The following HEPACAM variants were observed in gnomAD, a reference collection of about 807,000 sequenced individuals.
The protein encoded by HEPACAM is hepatocyte cell adhesion molecule.
In HEPACAM, 18 loss-of-function variants were observed where a neutral mutation model predicts 38.3. That is an observed-to-expected ratio of 0.47 (90% CI 0.33 to 0.70). The LOEUF is 0.70. HEPACAM is among the 30% of genes least tolerant of loss of function. The pLI is 0.03. For synonymous variants in HEPACAM, 216 were observed against 243.1 expected (o/e 0.89, Z 1.04); for missense variants, 466 against 563.0 (o/e 0.83, Z 1.74).
intron 1 of HEPACAM, among the ~76,000 whole-genome samples, chr11:124,926,108 A>G (rs1947204110): frequency 6.6e-6 from 1 of 152,186 alleles, no homozygotes; most frequent in South Asian, 2.1e-4. Context: ...AGGCTGAGAC[A>G]TGAGAATCGC....
At chr11:124,925,992 G>A (rs1463664212) in intron 1 of HEPACAM, among the ~76,000 whole-genome samples, 1 of 152,200 alleles carries the variant, frequency 6.6e-6, no homozygotes, top group Admixed American at 6.5e-5. Context: ...CCTGAGGTCA[G>A]GAGTTCGAGA....
Position 124,919,916 on chromosome 11 carries a change from A to T in HEPACAM, c.*1222T>A. On this transcript the variant is annotated 3_prime_UTR_variant, in exon 7 of 7. Transcript: ENST00000298251. ...CTTTTTAATTGCCCTCTCTCCTCAC[A>T]CAGTAGATTACTGCCACTCCTATGA... 1 of 1,614,056 alleles carries T rather than the reference A, an allele frequency of 6.2e-7. No individual in the cohort carries two copies. Among genetic ancestry groups the T allele is most frequent in the Non-Finnish European group, 8.5e-7 (1 of 1,180,012 alleles).
rs564722866 is a variant in HEPACAM, at chr11:124,926,603, G to T, written c.86-1534C>A. ...GGAGGGTCTTCTGGAGAGGACGCCG[G>T]TTGGGAGCAGGGCTGAGTTTAGCTG... On this transcript the variant is annotated intron_variant, in intron 1 of 6. Coordinates refer to ENST00000298251, the MANE Select transcript of HEPACAM (RefSeq NM_152722.5). Among the ~76,000 whole-genome samples the T allele has an allele frequency of 2.0e-5, 3 of 152,258 alleles. No homozygotes were observed. The South Asian group carries it at 6.2e-4, about 32-fold the overall frequency.
chr11:124,920,511 T>C lies in HEPACAM; in HGVS notation c.*627A>G. ...AAAGGAATGTACTCGTACCCTTCCC[T>C]CACCACCTTGTAGGTCCCCAGGTAC... On this transcript the variant is annotated 3_prime_UTR_variant, in exon 7 of 7. Coordinates refer to ENST00000298251, the MANE Select transcript of HEPACAM (RefSeq NM_152722.5). 1 of 1,468,716 alleles carries C rather than the reference T, an allele frequency of 6.8e-7. No homozygotes were observed. The highest frequency in any genetic ancestry group is 1.3e-5 in the South Asian group (1 of 79,076). 91.0% of individuals were successfully genotyped at this position (1,468,716 alleles called of 1,614,324 possible).
chr11:124,932,606 T>C (rs1947292201), intron 1 of HEPACAM, among the ~76,000 whole-genome samples: 2 of 152,158 alleles, frequency 1.3e-5, no homozygotes, highest in South Asian at 4.1e-4. Context: ...AAGGTAAATC[T>C]TGGGGAGGCA....
rs370843348 is a variant in HEPACAM at position 124,919,822 on chromosome 11, G to T, written c.*1316C>A. 5 of 1,614,088 alleles carry T rather than the reference G, an allele frequency of 3.1e-6. No individual in the cohort carries two copies. The African/African-American group carries it at 6.7e-5, about 22-fold the overall frequency. On this transcript the variant is annotated 3_prime_UTR_variant, in exon 7 of 7. Coordinates refer to ENST00000298251, the MANE Select transcript of HEPACAM (RefSeq NM_152722.5). ...CAGAGCTGGAGTTTAGGAGACTAGG[G>T]ATGCAAGGACCCTTGGAGGCATTAA...
chr11:124,922,672 A>C, intron 5 of HEPACAM, 73 bp downstream of exon 5: 1 of 1,614,124 alleles, frequency 6.2e-7, no homozygotes, highest in Non-Finnish European at 8.5e-7. Context: ...CTTGTCGCCC[A>C]GTTCTGCCTT....
At chr11:124,929,289 C>T (rs1947255667) in intron 1 of HEPACAM, among the ~76,000 whole-genome samples, 1 of 152,244 alleles carries the variant, frequency 6.6e-6, no homozygotes, top group South Asian at 2.1e-4. Flanking sequence ...TAAGTCCCCT[C>T]ATCATGCCTA....
chr11:124,922,504 C>T (rs759589942), intron 5 of HEPACAM, 46 bp from the exon 6 acceptor site: 1 of 1,604,046 alleles, frequency 6.2e-7, no homozygotes, highest in African/African-American at 1.3e-5. Flanking sequence ...TACAGACTCT[C>T]CCCACCAGCC....
In HEPACAM at chr11:124,923,408, C is replaced by T; in HGVS notation, c.735G>A (p.Leu245=). 6.2e-7 allele frequency: 1 copy of T among 1,612,858 alleles called. No individual in the cohort carries two copies. The highest frequency in any genetic ancestry group is 1.1e-5 in the South Asian group (1 of 91,030). ...VYRRSSLYII[L]STGGIFLLVT... ...CAAGGAGGAAGATGCCTCCTGTAGA[C>T]AAGATGATGTAAAGGGAGCTTCTTC... The change falls in exon 4 of 7, where the codon TTG becomes TTA. Residue 245 remains leucine (L), a synonymous_variant. Transcript: ENST00000298251.
chr11:124,925,472 A>G lies in HEPACAM; in HGVS notation c.86-403T>C, dbSNP rs141613177. 3.3e-3 allele frequency among the ~76,000 whole-genome samples: 498 copies of G among 152,270 alleles called. 1 individual carries two copies. Among genetic ancestry groups the G allele is most frequent in the Middle Eastern group, 6.8e-3 (2 of 294 alleles). On this transcript the variant is annotated intron_variant, in intron 1 of 6. Transcript: ENST00000298251. ...AAAGCCAACAAAAATCCCTACCCCT[A>G]TGAAGCTTATAGGTCATTAGACCTC... is the stretch of plus-strand genomic sequence containing the variant.
rs11605766 is a variant in HEPACAM, at chr11:124,923,060, C to G, written c.804-242G>C. 0.011 allele frequency among the ~76,000 whole-genome samples: 1,659 copies of G among 152,248 alleles called. 11 individuals carry two copies. The highest frequency in any genetic ancestry group is 0.017 in the Non-Finnish European group (1,190 of 68,022). ...GAGTCTCAGTGTCATTATCTGTAAACTACAGATAATCATACTTAAAAGGTA... is the reference window on the plus strand; with the variant it reads ...GAGTCTCAGTGTCATTATCTGTAAAGTACAGATAATCATACTTAAAAGGTA... On this transcript the variant is annotated intron_variant, in intron 4 of 6. Transcript: ENST00000298251.
Position 124,924,638 on chromosome 11 carries a change from G to T in HEPACAM, c.427+90C>A, listed in dbSNP as rs1253660374. ...TCAGCTCCCAAGTGCCTTTTGGGTT[G>T]GTTTTCCCTCAGTCTAGCTGGTGCG... On this transcript the variant is annotated intron_variant, in intron 2 of 6. Coordinates refer to ENST00000298251, the MANE Select transcript of HEPACAM (RefSeq NM_152722.5). The surrounding 1 kb of genome is among the most constrained non-coding windows in gnomAD (Gnocchi z 4.4). 4.9e-6 allele frequency: 6 copies of T among 1,212,296 alleles called. No homozygotes were observed. The African/African-American group carries it at 7.4e-5, about 15-fold the overall frequency. The allele number at this position is 1,212,296 out of a possible 1,614,324, so 75.1% of individuals were successfully genotyped here. A position where few individuals can be genotyped will look rare whatever the true frequency, so the allele number is the denominator to read the frequency against.
chr11:124,931,503 A>G (rs1947280576), intron 1 of HEPACAM, among the ~76,000 whole-genome samples: 1 of 152,226 alleles, frequency 6.6e-6, no homozygotes, highest in African/African-American at 2.4e-5. Context: ...CATCACACCA[A>G]CCTTAAACCA....
At chr11:124,926,721 C>T (rs1947215324) in intron 1 of HEPACAM, among the ~76,000 whole-genome samples, 1 of 152,122 alleles carries the variant, frequency 6.6e-6, no homozygotes, top group Admixed American at 6.6e-5. Context: ...TCTTTCTGAG[C>T]CTTATTTCTC....
intron 5 of HEPACAM, 54 bp downstream of exon 5, chr11:124,922,691 A>G: frequency 1.2e-6 from 2 of 1,614,178 alleles, no homozygotes; most frequent in Non-Finnish European, 1.7e-6. Context: ...TTTTCCCAGC[A>G]GCCCACTGAT....
At chr11:124,928,393 T>G (rs546827824) in intron 1 of HEPACAM, among the ~76,000 whole-genome samples, 13 of 152,314 alleles carry the variant, frequency 8.5e-5, no homozygotes, top group African/African-American at 2.9e-4. Context: ...TGAGCTTTAT[T>G]AAAGGCCACT....
intron 4 of HEPACAM, 59 bp downstream of exon 4, chr11:124,923,281 A>G: frequency 1.8e-6 from 2 of 1,109,214 alleles, no homozygotes; most frequent in Admixed American, 1.7e-5. Flanking sequence ...TAAGAAAATA[A>G]TGGGGCTTAG....
rs1405462892 is a variant in HEPACAM, at chr11:124,921,247, G to A, written c.1142C>T (p.Ala381Val). 2 of 1,443,914 alleles carry A rather than the reference G, an allele frequency of 1.4e-6. No individual in the cohort carries two copies. Among genetic ancestry groups the A allele is most frequent in the Non-Finnish European group, 1.8e-6 (2 of 1,103,768 alleles). The allele number at this position is 1,443,914 out of a possible 1,614,324, so 89.4% of individuals were successfully genotyped here. Residue 381 changes from alanine (A) to valine (V), a missense_variant, in exon 7 of 7, where the codon GCC (alanine) becomes GTC (valine). Coordinates refer to ENST00000298251, the MANE Select transcript of HEPACAM (RefSeq NM_152722.5). This position sits in a 1 kb window ranked among gnomAD's most constrained non-coding sequence, Gnocchi z 4.6. The stretch of plus-strand genomic sequence containing the variant: ...GCGCGAGCGGCCGGGCGAGCTCGGG[G>A]CCCTGGGCGGCGACGAGTGTGTCCG... ...TGRTHSSPPRAPSSPGRSRSA... is the reference protein window; with the variant it reads ...TGRTHSSPPRVPSSPGRSRSA...
Sources: allele counts gnomAD v4.1 joint callset (sites outside exome capture counted in the v4.1 genomes callset), GRCh38; gene constraint gnomAD v4.1.1; non-coding constraint Gnocchi (gnomAD v3.1); transcripts MANE v1.5; gene names NCBI Gene and HGNC (gene_info 2026-07-23, HGNC 2026-07-21).